The following ANKMY1 variants were observed in gnomAD, a reference collection of about 807,000 sequenced individuals.
The protein encoded by ANKMY1 is ankyrin repeat and MYND domain containing 1.
A neutral mutation model predicts 102.0 loss-of-function variants in ANKMY1; 98 were observed. The ratio of observed to expected loss-of-function variants is 0.96; its 90% CI spans 0.82 to 1.14. ANKMY1 has a LOEUF of 1.14. ANKMY1 is among the 50% of genes most tolerant of loss of function. The probability of loss-of-function intolerance (pLI) is 0.00; values close to 1 mark genes in which losing one functional copy is unlikely to be tolerated. For missense variants in ANKMY1, 1,330 were observed against 1,347.6 expected, an observed-to-expected ratio of 0.99 and a Z score of 0.20; for synonymous variants, 582 against 559.9, an observed-to-expected ratio of 1.04 and a Z score of -0.56.
intron 8 of ANKMY1, 86 bp downstream of exon 8, chr2:240,523,799 C>A: frequency 6.6e-7 from 1 of 1,525,536 alleles, no homozygotes; most frequent in South Asian, 1.3e-5. Flanking sequence ...CTCCCACTGG[C>A]ACAGGGAAGA....
At chr2:240,511,832 T>C in intron 11 of ANKMY1, 29 bp downstream of exon 11, 1 of 1,556,908 alleles carries the variant, frequency 6.4e-7, no homozygotes, top group South Asian at 1.2e-5. Flanking sequence ...GGCAGCCCTG[T>C]GCCCCCGCCA....
chr2:240,477,829 G>A (rs371514806), downstream of ANKMY1, among the ~76,000 whole-genome samples: 5 of 151,958 alleles, frequency 3.3e-5, no homozygotes, highest in African/African-American at 1.2e-4. Context: ...GCCTAGTTCA[G>A]AACAGAGAGG....
chr2:240,559,129 G>A, upstream of ANKMY1, among the ~76,000 whole-genome samples: 1 of 152,172 alleles, frequency 6.6e-6, no homozygotes. Flanking sequence ...GGCTGGCCCA[G>A]ACTAAGTGTG....
chr2:240,530,466 C>G (rs1023469451), intron 4 of ANKMY1, among the ~76,000 whole-genome samples: 3 of 152,208 alleles, frequency 2.0e-5, no homozygotes, highest in African/African-American at 4.8e-5. Context: ...CCTCCTCCCC[C>G]ACTTGCTCCT....
At chr2:240,475,518 C>T, downstream of ANKMY1, among the ~76,000 whole-genome samples, 1 of 151,764 alleles carries the variant, frequency 6.6e-6, no homozygotes, top group East Asian at 1.9e-4. Context: ...GTAAAAGAAC[C>T]TTGCTTAAAT....
chr2:240,478,661 G>C (rs1359247294), downstream of ANKMY1, among the ~76,000 whole-genome samples: 1 of 151,982 alleles, frequency 6.6e-6, no homozygotes, highest in African/African-American at 2.4e-5. Context: ...CCTTACAGAA[G>C]CCTTTCCCAG....
chr2:240,536,694 T>C (rs1371316360), intron 4 of ANKMY1, among the ~76,000 whole-genome samples: 3 of 152,230 alleles, frequency 2.0e-5, no homozygotes, highest in Non-Finnish European at 4.4e-5. Context: ...ATATTACATA[T>C]GAAGAGGCAG....
At chr2:240,550,392 T>C (rs899373094) in intron 4 of ANKMY1, among the ~76,000 whole-genome samples, 24 of 146,822 alleles carry the variant, frequency 1.6e-4, no homozygotes, top group African/African-American at 4.5e-4. Flanking sequence ...AGGGATAGCA[T>C]TGGGAGATAT....
downstream of ANKMY1, among the ~76,000 whole-genome samples, chr2:240,476,256 T>C (rs1442179929): frequency 6.6e-6 from 1 of 152,208 alleles, no homozygotes. Flanking sequence ...GGAGCCTCTT[T>C]AGCAAATGGC....
intron 13 of ANKMY1, among the ~76,000 whole-genome samples, chr2:240,505,810 G>A (rs1045178608): frequency 1.3e-5 from 2 of 152,174 alleles, no homozygotes; most frequent in Middle Eastern, 3.2e-3. Context: ...GAATATACGT[G>A]GTATGTAGGG....
chr2:240,521,785 A>C (rs993417209), intron 8 of ANKMY1, among the ~76,000 whole-genome samples: 2 of 152,118 alleles, frequency 1.3e-5, no homozygotes, highest in African/African-American at 4.8e-5. Flanking sequence ...GGAGTGAGCC[A>C]CTGCGCCTGG....
intron 15 of ANKMY1, among the ~76,000 whole-genome samples, chr2:240,489,298 A>G (rs929198208): frequency 1.3e-5 from 2 of 152,022 alleles, no homozygotes; most frequent in Non-Finnish European, 1.5e-5. Flanking sequence ...TACTAAAAAT[A>G]CAAAAAAATT....
chr2:240,497,876 G>A (rs79385176), intron 15 of ANKMY1, among the ~76,000 whole-genome samples: 2,015 of 152,292 alleles, frequency 0.013, 28 homozygotes, highest in South Asian at 0.037. Context: ...TGACACCTCC[G>A]TTTTAGGACC....
chr2:240,500,697 C>T lies in ANKMY1; in HGVS notation c.2527-132G>A, dbSNP rs961283948. 8.8e-6 allele frequency: 6 copies of T among 683,398 alleles called. No individual in the cohort carries two copies. In the African/African-American group the frequency reaches 1.1e-4, roughly 12 times the overall value. The allele number at this position is 683,398 out of a possible 1,614,324, so 42.3% of individuals were successfully genotyped here. A position where few individuals can be genotyped will look rare whatever the true frequency, so the allele number is the denominator to read the frequency against. On this transcript the variant is annotated intron_variant, in intron 13 of 17. Coordinates refer to ENST00000401804, the MANE Select transcript of ANKMY1 (RefSeq NM_001282771.3). ...CCGCCCTTGCAGTGTGCGGGAATGC[C>T]CATGAGACAAACGGGGAGAGGGAGA... is the stretch of plus-strand genomic sequence containing the variant.
In ANKMY1 at chr2:240,554,926, CT is replaced by C. The variant is rs1311408445; in HGVS notation, c.275del (p.Gln92ArgfsTer6). On this transcript the variant is annotated frameshift_variant, in exon 3 of 18. Coordinates refer to ENST00000401804, the MANE Select transcript of ANKMY1 (RefSeq NM_001282771.3). LOFTEE classifies it high-confidence loss of function. ...GCTTCATGTTCAACCCAAACTCCCC[CT>C]GGTACATGCAACCATCCTGCCACTC... Reference protein sequence around the residue: ...VQEWQDGCMYQGEFGLNMKLG... With the variant: ...VQEWQDGCMYXGEFGLNMKLG... 3 of 1,614,092 alleles carry C rather than the reference CT, an allele frequency of 1.9e-6. No individual in the cohort carries two copies. The highest frequency in any genetic ancestry group is 2.2e-5 in the East Asian group (1 of 44,902).
At chr2:240,540,279 G>A (rs942491487) in intron 4 of ANKMY1, among the ~76,000 whole-genome samples, 1 of 152,134 alleles carries the variant, frequency 6.6e-6, no homozygotes. Context: ...AAACACATAA[G>A]ACTGATCTGA....
chr2:240,499,004 T>C lies in ANKMY1; in HGVS notation c.2806+954A>G, dbSNP rs1255190925. 6.6e-6 allele frequency among the ~76,000 whole-genome samples: 1 copy of C among 152,196 alleles called. No homozygotes were observed. Among genetic ancestry groups the C allele is most frequent in the Non-Finnish European group, 1.5e-5 (1 of 68,032 alleles). On this transcript the variant is annotated intron_variant, in intron 15 of 17. Coordinates refer to ENST00000401804, the MANE Select transcript of ANKMY1 (RefSeq NM_001282771.3). The surrounding 1 kb of genome is among the most constrained non-coding windows in gnomAD (Gnocchi z 4.2). ...CCACAAGCCTATTAAACCTCTTTTCTAATTACCCAGTCTCAGGTGTTCCTT... is the reference window on the plus strand; with the variant it reads ...CCACAAGCCTATTAAACCTCTTTTCCAATTACCCAGTCTCAGGTGTTCCTT...
At chr2:240,476,506 G>A (rs1179865677), downstream of ANKMY1, among the ~76,000 whole-genome samples, 1 of 147,824 alleles carries the variant, frequency 6.8e-6, no homozygotes, top group Admixed American at 6.9e-5. Flanking sequence ...AAAAGCACAT[G>A]GTCACCGCAG....
In ANKMY1 at chr2:240,506,781, GGGCAGCA is replaced by G. The variant is rs1253741991; in HGVS notation, c.2526+772_2526+778del. Among the ~76,000 whole-genome samples the G allele has an allele frequency of 1.3e-5, 2 of 152,162 alleles. No homozygotes were observed. Among genetic ancestry groups the G allele is most frequent in the African/African-American group, 2.4e-5 (1 of 41,440 alleles). On this transcript the variant is annotated intron_variant, in intron 13 of 17. Transcript: ENST00000401804. The surrounding 1 kb of genome is among the most constrained non-coding windows in gnomAD (Gnocchi z 4.9). ...CACAGGAAGGGCTGGCATGGGCGGA[GGGCAGCA>G]GGCAGCAGGGCACAGAGGGAGGCCC... is the stretch of plus-strand genomic sequence containing the variant.
Sources: gnomAD v4.1 joint callset for allele counts (sites outside exome capture counted in the v4.1 genomes callset) on GRCh38, gnomAD v4.1.1 for gene constraint, Gnocchi (gnomAD v3.1) non-coding constraint, MANE v1.5 for transcripts, NCBI Gene and HGNC (gene_info 2026-07-23, HGNC 2026-07-21) for gene names.